The following DNAH6 variants were observed in gnomAD, a reference collection of about 807,000 sequenced individuals.
The protein encoded by DNAH6 is dynein axonemal heavy chain 6, also known as axonemal beta dynein heavy chain 6.
Under a neutral mutation model 491.4 loss-of-function variants are expected in DNAH6, and 340 were observed. That is an observed-to-expected ratio of 0.69 (90% confidence interval 0.63 to 0.76). DNAH6 has a LOEUF of 0.76. DNAH6 is among the 30% of genes least tolerant of loss of function. The pLI is 0.00. For missense variants in DNAH6, 4,443 were observed against 4,972.2 expected (o/e 0.89, Z 3.20); for synonymous variants, 1,603 against 1,686.1 (o/e 0.95, Z 1.21).
Position 84,745,160 on chromosome 2 carries a change from G to A in DNAH6, c.10423G>A (p.Glu3475Lys). The change falls in exon 63 of 77, where the codon GAA becomes AAA. Residue 3475 changes from glutamate (E) to lysine (K), a missense_variant. Physicochemically the swap from Glu to Lys is moderately conservative, Grantham distance 56. Transcript: ENST00000389394. ...MKHEDKHMRQEKEAAHQDPWS... is the reference protein window; with the variant it reads ...MKHEDKHMRQKKEAAHQDPWS... ...ACACGAAGATAAACACATGAGACAG[G>A]AAAAGGAGGCAGCACACCAAGATCC... 1 of 1,549,956 alleles carries A rather than the reference G, an allele frequency of 6.5e-7. No homozygotes were observed. The highest frequency in any genetic ancestry group is 1.4e-5 in the African/African-American group (1 of 73,074).
rs1398587902 is a variant in DNAH6 at position 84,746,801 on chromosome 2, C to T, written c.10512+1552C>T. Among the ~76,000 whole-genome samples, 3 of 152,180 alleles carry T rather than the reference C, an allele frequency of 2.0e-5. No homozygotes were observed. In the East Asian group the frequency reaches 5.8e-4, roughly 29 times the overall value. ...GTTCTGCGGCTGTACAAGCATGACACCAGCATTTTCTTGGCTTCTGGTGAG... is the reference window on the plus strand; with the variant it reads ...GTTCTGCGGCTGTACAAGCATGACATCAGCATTTTCTTGGCTTCTGGTGAG... On this transcript the variant is annotated intron_variant, in intron 63 of 76. Transcript: ENST00000389394.
At chr2:84,510,049 T>A in the DNAH6 span, among the ~76,000 whole-genome samples, 2 of 152,322 alleles carry the variant, frequency 1.3e-5, no homozygotes, top group Middle Eastern at 3.4e-3. Context: ...GACAATTATA[T>A]GTCTTGGAGT....
At chr2:84,604,299 G>A (rs1337562550) in intron 18 of DNAH6, 40 bp from the exon 19 acceptor site, 1 of 1,466,618 alleles carries the variant, frequency 6.8e-7, no homozygotes, top group East Asian at 2.5e-5. Context: ...ATATTTTTAA[G>A]ATAAAAAGCT....
At chr2:84,700,197 T>C (rs1695768758) in intron 48 of DNAH6, among the ~76,000 whole-genome samples, 1 of 152,192 alleles carries the variant, frequency 6.6e-6, no homozygotes. Flanking sequence ...ATATGGATGA[T>C]GCAGCATACC....
At chr2:84,785,863 G>A (rs543812842) in intron 67 of DNAH6, 107 bp downstream of exon 67, 7 of 1,177,672 alleles carry the variant, frequency 5.9e-6, no homozygotes. Context: ...AATGCTGAAG[G>A]CCCCATTCTG....
At chr2:84,549,824 A>G (rs1046132924) in intron 8 of DNAH6, 65 bp from the exon 9 acceptor site, 28 of 1,154,660 alleles carry the variant, frequency 2.4e-5, no homozygotes, top group Non-Finnish European at 3.2e-5. Context: ...TGCTTTAGAG[A>G]CACTGTCAAA....
intron 18 of DNAH6, among the ~76,000 whole-genome samples, chr2:84,598,010 CA>C (rs946643988): frequency 1.0e-4 from 15 of 147,642 alleles, no homozygotes; most frequent in African/African-American, 1.2e-4. Context: ...AGAAGCCAGT[CA>C]AAAAAAAAGG....
intron 49 of DNAH6, among the ~76,000 whole-genome samples, chr2:84,702,628 C>T (rs946366806): frequency 5.3e-5 from 8 of 151,290 alleles, no homozygotes; most frequent in East Asian, 1.9e-4. Flanking sequence ...CTGCAACCTC[C>T]GCCTCCCAGG....
the DNAH6 span, among the ~76,000 whole-genome samples, chr2:84,472,018 C>G: frequency 6.6e-6 from 1 of 152,192 alleles, no homozygotes; most frequent in Non-Finnish European, 1.5e-5. Flanking sequence ...ATTCTTTCCT[C>G]TTTCCCAGCT....
intron 33 of DNAH6, among the ~76,000 whole-genome samples, chr2:84,642,876 T>C (rs1446801164): frequency 1.3e-5 from 2 of 152,182 alleles, no homozygotes; most frequent in Non-Finnish European, 2.9e-5. Flanking sequence ...ATTGTTGCTA[T>C]AACAATTTTG....
At chr2:84,683,736 C>A (rs1694032302) in intron 42 of DNAH6, among the ~76,000 whole-genome samples, 1 of 151,742 alleles carries the variant, frequency 6.6e-6, no homozygotes, top group East Asian at 1.9e-4. Context: ...ATTTTTTTTT[C>A]TCTAAAAAGA....
intron 70 of DNAH6, among the ~76,000 whole-genome samples, chr2:84,801,901 A>G (rs1194697109): frequency 2.6e-5 from 4 of 151,718 alleles, no homozygotes; most frequent in Non-Finnish European, 4.4e-5. Flanking sequence ...AAGAAAAGAA[A>G]AAAAGAAAGA....
chr2:84,733,654 A>T, intron 62 of DNAH6, 75 bp downstream of exon 62: 2 of 1,359,224 alleles, frequency 1.5e-6, no homozygotes, highest in Non-Finnish European at 9.9e-7. Context: ...GTTTTCTTTA[A>T]CCTCTTCTGT....
chr2:84,784,620 A>G (rs1367996561), intron 65 of DNAH6, 102 bp from the exon 66 acceptor site: 1 of 714,994 alleles, frequency 1.4e-6, no homozygotes. Context: ...AACAAAGCTT[A>G]TAGCATTTTT....
At chr2:84,813,157 A>G (rs1680162768) in intron 74 of DNAH6, 27 bp downstream of exon 74, 1 of 1,504,794 alleles carries the variant, frequency 6.6e-7, no homozygotes, top group Non-Finnish European at 9.0e-7. Context: ...GAAAAACCCC[A>G]TAGGAATGGC....
rs1252658671 is a variant in DNAH6, at chr2:84,517,881, G to A, written c.55G>A (p.Ala19Thr). Residue 19 changes from alanine to threonine, a missense_variant, in exon 2 of 77, where the codon GCC (alanine) becomes ACC (threonine). Ala to Thr is a moderately conservative substitution (Grantham distance 58). Transcript: ENST00000389394. ...TGACCTGACAAATATTGAAGAGTAT[G>A]CCGAAAATTCTGCACTTTCAAGACT... ...EFDLTNIEEY[A>T]ENSALSRLNN... is the part of the protein sequence containing the mutation. 8.4e-6 allele frequency: 13 copies of A among 1,551,762 alleles called. No homozygotes were observed. The highest frequency in any genetic ancestry group is 1.7e-4 in the Middle Eastern group (1 of 5,986).
the DNAH6 span, among the ~76,000 whole-genome samples, chr2:84,493,267 A>G: frequency 0.94 from 143,375 of 152,126 alleles, 67,609 homozygotes; most frequent in East Asian, 1. Flanking sequence ...ACTATATACC[A>G]TATGTATATT....
the DNAH6 span, among the ~76,000 whole-genome samples, chr2:84,509,405 T>C: frequency 1.1e-4 from 16 of 152,288 alleles, no homozygotes; most frequent in South Asian, 3.1e-3. Flanking sequence ...ACCCCTGCCT[T>C]TTTTTGTTTT....
chr2:84,555,425 A>T (rs1278078766), intron 10 of DNAH6, among the ~76,000 whole-genome samples: 1 of 152,044 alleles, frequency 6.6e-6, no homozygotes, highest in African/African-American at 2.4e-5. Flanking sequence ...TTTCCTTCTC[A>T]GTCATCTTTC....
Sources: gnomAD v4.1 joint callset for allele counts (sites outside exome capture counted in the v4.1 genomes callset) on GRCh38, gnomAD v4.1.1 for gene constraint, MANE v1.5 for transcripts, NCBI Gene and HGNC (gene_info 2026-07-23, HGNC 2026-07-21) for gene names.